The following MECOM variants were observed in gnomAD, a reference collection of about 807,000 sequenced individuals.
MECOM encodes histone-lysine N-methyltransferase MECOM.
A neutral mutation model predicts 116.3 loss-of-function variants in MECOM; 13 were observed. That is an observed-to-expected ratio of 0.11 (90% CI 0.07 to 0.18). The LOEUF (loss-of-function observed/expected upper bound fraction) is 0.18. Among genes scored for constraint, MECOM ranks in the 10% least tolerant of loss-of-function variants. The pLI is 1.00. For synonymous variants in MECOM, 528 were observed against 535.2 expected, an observed-to-expected ratio of 0.99 and a Z score of 0.19; for missense variants, 1,299 against 1,509.0, an observed-to-expected ratio of 0.86 and a Z score of 2.31.
chr3:169,167,262 C>T (rs2149361396), intron 2 of MECOM, among the ~76,000 whole-genome samples: 1 of 152,224 alleles, frequency 6.6e-6, no homozygotes, highest in East Asian at 1.9e-4. Flanking sequence ...TTAGAAGTTC[C>T]ATTAGATGGA....
At chr3:169,409,275 T>C (rs73879063) in intron 1 of MECOM, among the ~76,000 whole-genome samples, 3,556 of 152,312 alleles carry the variant, frequency 0.023, 132 homozygotes, top group African/African-American at 0.081. Flanking sequence ...ATGCTCTAAC[T>C]TGATAAAATC....
At chr3:169,293,484 G>A (rs1218869014) in intron 2 of MECOM, among the ~76,000 whole-genome samples, 1 of 152,190 alleles carries the variant, frequency 6.6e-6, no homozygotes, top group Non-Finnish European at 1.5e-5. Flanking sequence ...AGGCTGAAAT[G>A]CTTTTTCTGA....
rs1749481225 is a variant in MECOM, at chr3:169,472,505, AAGGAAAGGAAAGGAAAGAAAAG to A, written c.38-91003_38-90982del. Among the ~76,000 whole-genome samples, 8 of 91,960 alleles carry A rather than the reference AAGGAAAGGAAAGGAAAGAAAAG, an allele frequency of 8.7e-5. No individual in the cohort carries two copies. In the South Asian group the frequency reaches 2.9e-3, roughly 33 times the overall value. 60.3% of individuals were successfully genotyped at this position (91,960 alleles called of 152,430 possible). On this transcript the variant is annotated intron_variant, in intron 1 of 16. Transcript: ENST00000651503. ...AAGGAAAGGAAAGGAAAGGAAAGGA[AAGGAAAGGAAAGGAAAGAAAAG>A]AAAAGAAAAGGAAAGGAAAGGAAAA...
intron 2 of MECOM, among the ~76,000 whole-genome samples, chr3:169,294,051 C>A (rs1204785520): frequency 6.6e-6 from 1 of 152,182 alleles, no homozygotes; most frequent in Non-Finnish European, 1.5e-5. Flanking sequence ...GTAGGTTATA[C>A]ACACACACTT....
At chr3:169,484,228 A>C in intron 1 of MECOM, 1 of 550,274 alleles carries the variant, frequency 1.8e-6, no homozygotes. Flanking sequence ...TGTTTATAAC[A>C]GAAAGAAAGG....
At chr3:169,420,369 T>C (rs1638694880) in intron 1 of MECOM, among the ~76,000 whole-genome samples, 2 of 152,142 alleles carry the variant, frequency 1.3e-5, no homozygotes, top group African/African-American at 2.4e-5. Flanking sequence ...AAACCCACCA[T>C]GACCACATCT....
chr3:169,505,786 C>T (rs968859612), intron 1 of MECOM, among the ~76,000 whole-genome samples: 13 of 152,182 alleles, frequency 8.5e-5, no homozygotes, highest in Non-Finnish European at 1.5e-4. Flanking sequence ...TGTTTGGAGG[C>T]CACATGTAAG....
intron 2 of MECOM, among the ~76,000 whole-genome samples, chr3:169,347,234 TG>T (rs142948234): frequency 6.6e-6 from 1 of 151,970 alleles, no homozygotes; most frequent in Non-Finnish European, 1.5e-5. Context: ...TTGTACTTCA[TG>T]GGGGGGCAGT....
chr3:169,255,225 G>A (rs757396221), intron 2 of MECOM, among the ~76,000 whole-genome samples: 4 of 152,058 alleles, frequency 2.6e-5, no homozygotes, highest in Non-Finnish European at 4.4e-5. Flanking sequence ...ACACCGAGCC[G>A]GTACAGTACC....
intron 1 of MECOM, among the ~76,000 whole-genome samples, chr3:169,494,751 G>C (rs1753613514): frequency 6.6e-6 from 1 of 152,168 alleles, no homozygotes; most frequent in African/African-American, 2.4e-5. Context: ...CTCCCAGTGT[G>C]GTGATTCTGA....
At chr3:169,619,107 A>AT (rs1648482246) in intron 1 of MECOM, among the ~76,000 whole-genome samples, 1 of 152,174 alleles carries the variant, frequency 6.6e-6, no homozygotes, top group Non-Finnish European at 1.5e-5. Flanking sequence ...GGCCTGCAAA[A>AT]TATGGTGGCA....
rs1463136229 is a variant in MECOM, at chr3:169,130,894, T to A, written c.613+535A>T. ...TACTGATTATCATTATTTTTTATTA[T>A]CTTTTGATTTAGAATAGGCCTCTGG... On this transcript the variant is annotated intron_variant, in intron 4 of 16. Coordinates refer to ENST00000651503, the MANE Select transcript of MECOM (RefSeq NM_004991.4). 2.6e-5 allele frequency among the ~76,000 whole-genome samples: 4 copies of A among 152,192 alleles called. No homozygotes were observed. The East Asian group carries it at 5.8e-4, about 22-fold the overall frequency.
At chr3:169,117,968 T>C (rs1729726762) in intron 7 of MECOM, among the ~76,000 whole-genome samples, 1 of 152,202 alleles carries the variant, frequency 6.6e-6, no homozygotes, top group Non-Finnish European at 1.5e-5. Flanking sequence ...AAGATGTACC[T>C]TGTTGGTAAT....
intron 2 of MECOM, among the ~76,000 whole-genome samples, chr3:169,277,319 T>G (rs9290363): frequency 0.27 from 40,927 of 152,112 alleles, 12,229 homozygotes; most frequent in African/African-American, 0.74. Flanking sequence ...AAAAAAGGGA[T>G]AAGAAACACT....
chr3:169,239,823 C>T (rs1251487932), intron 2 of MECOM, among the ~76,000 whole-genome samples: 1 of 152,030 alleles, frequency 6.6e-6, no homozygotes, highest in Non-Finnish European at 1.5e-5. Context: ...AACTTTGAGG[C>T]GAAATAGGAC....
At chr3:169,460,497 T>G (rs1049066472) in intron 1 of MECOM, among the ~76,000 whole-genome samples, 11 of 152,200 alleles carry the variant, frequency 7.2e-5, no homozygotes, top group Middle Eastern at 3.2e-3. Context: ...TCAGAAAGAT[T>G]AGATGGCATG....
intron 2 of MECOM, among the ~76,000 whole-genome samples, chr3:169,232,992 C>A (rs555656718): frequency 6.6e-6 from 1 of 152,104 alleles, no homozygotes; most frequent in African/African-American, 2.4e-5. Context: ...CCCCAACAAG[C>A]AGTTGGGGGT....
chr3:169,464,738 G>A (rs1424594713), intron 1 of MECOM, among the ~76,000 whole-genome samples: 1 of 151,916 alleles, frequency 6.6e-6, no homozygotes, highest in Non-Finnish European at 1.5e-5. Flanking sequence ...ACTTCCCTCT[G>A]TATACAGCTA....
intron 3 of MECOM, among the ~76,000 whole-genome samples, chr3:169,140,515 A>G (rs1737782176): frequency 6.6e-6 from 1 of 152,060 alleles, no homozygotes; most frequent in Non-Finnish European, 1.5e-5. Context: ...GCTACTTAGA[A>G]ATTATGGTTT....
Sources: gnomAD v4.1 joint callset for allele counts (sites outside exome capture counted in the v4.1 genomes callset) on GRCh38, gnomAD v4.1.1 for gene constraint, MANE v1.5 for transcripts, NCBI Gene and HGNC (gene_info 2026-07-23, HGNC 2026-07-21) for gene names.